The following KIF13A variants were observed in gnomAD, a reference collection of about 807,000 sequenced individuals.
KIF13A encodes kinesin family member 13A.
KIF13A carries 79 observed loss-of-function variants against 212.2 expected under a neutral mutation model. The ratio of observed to expected loss-of-function variants is 0.37; its 90% CI spans 0.31 to 0.45. The LOEUF (loss-of-function observed/expected upper bound fraction) is 0.45, where lower values mean the gene tolerates loss of function less well. Among genes scored for constraint, KIF13A ranks in the 20% least tolerant of loss-of-function variants. KIF13A has a pLI of 1.00. For synonymous variants in KIF13A, 789 were observed against 808.6 expected (o/e 0.98, Z 0.41); for missense variants, 1,901 against 2,209.0 (o/e 0.86, Z 2.79).
chr6:17,782,686 T>C (rs1198916876), intron 29 of KIF13A, among the ~76,000 whole-genome samples: 1 of 149,234 alleles, frequency 6.7e-6, no homozygotes, highest in Non-Finnish European at 1.5e-5. Context: ...TTTTGCTGCT[T>C]TCTGAGGTCA....
intron 16 of KIF13A, among the ~76,000 whole-genome samples, chr6:17,822,868 A>C (rs952210533): frequency 3.9e-5 from 6 of 152,236 alleles, no homozygotes; most frequent in Non-Finnish European, 8.8e-5. Context: ...TTGGTGGGGA[A>C]GTAACAGAGT....
chr6:17,936,977 A>T (rs866007665), intron 2 of KIF13A, among the ~76,000 whole-genome samples: 9 of 152,200 alleles, frequency 5.9e-5, no homozygotes, highest in South Asian at 4.1e-4. Context: ...CAGAAGGTCC[A>T]GACTAGCCTG....
chr6:17,880,467 A>G (rs887261683), intron 3 of KIF13A, among the ~76,000 whole-genome samples: 1 of 151,882 alleles, frequency 6.6e-6, no homozygotes, highest in African/African-American at 2.4e-5. Context: ...TCTCTACTAA[A>G]GATACAAAAA....
At chr6:17,985,841 A>T (rs1364276022) in intron 2 of KIF13A, among the ~76,000 whole-genome samples, 2 of 152,160 alleles carry the variant, frequency 1.3e-5, no homozygotes, top group African/African-American at 4.8e-5. Flanking sequence ...TAAACACAAC[A>T]TTTTACATAT....
chr6:17,975,997 G>C (rs1043476854), intron 2 of KIF13A, among the ~76,000 whole-genome samples: 1 of 152,188 alleles, frequency 6.6e-6, no homozygotes, highest in Admixed American at 6.5e-5. Flanking sequence ...CCCTGAGCTA[G>C]ACACAGGGTG....
intron 2 of KIF13A, among the ~76,000 whole-genome samples, chr6:17,977,656 AAAGG>A (rs1437181129): frequency 6.6e-6 from 1 of 152,262 alleles, no homozygotes; most frequent in African/African-American, 2.4e-5. Flanking sequence ...AGGACAAAAT[AAAGG>A]TAGAGGAAAA....
Position 17,825,685 on chromosome 6 carries a change from C to G in KIF13A, c.1786+83G>C. 7.8e-7 allele frequency: 1 copy of G among 1,289,518 alleles called. No individual in the cohort carries two copies. The highest frequency in any genetic ancestry group is 1.1e-6 in the Non-Finnish European group (1 of 921,130). The allele number at this position is 1,289,518 out of a possible 1,614,324, so 79.9% of individuals were successfully genotyped here. On this transcript the variant is annotated intron_variant, in intron 16 of 38. Transcript: ENST00000259711. This position sits in a 1 kb window ranked among gnomAD's most constrained non-coding sequence, Gnocchi z 4.5. ...GTTTAAAATGTGGAATGCGGAATGA[C>G]ACCTGATGCATGCTTATCCCTCACT...
In KIF13A at chr6:17,805,538, C is replaced by T; in HGVS notation, c.2241G>A (p.Lys747=). Residue 747 remains lysine (K), a synonymous_variant, in exon 19 of 39, where the codon AAG becomes AAA. Coordinates refer to ENST00000259711, the MANE Select transcript of KIF13A (RefSeq NM_022113.6). ...GKSTQVWTIE[K]LENKLIDMRD... is the part of the protein sequence containing the mutation. ...TCATGTCAATTAATTTATTCTCCAG[C>T]TTCTCAATGGTCCACACTTGGGTGC... 2 of 1,613,806 alleles carry T rather than the reference C, an allele frequency of 1.2e-6. No individual in the cohort carries two copies. The highest frequency in any genetic ancestry group is 1.7e-6 in the Non-Finnish European group (2 of 1,179,772).
chr6:17,972,909 C>A (rs1779941497), intron 2 of KIF13A, among the ~76,000 whole-genome samples: 1 of 151,948 alleles, frequency 6.6e-6, no homozygotes, highest in Admixed American at 6.6e-5. Flanking sequence ...TTCCCTCAAG[C>A]CTCTTCTAAC....
chr6:17,974,295 G>T (rs1780081144), intron 2 of KIF13A, among the ~76,000 whole-genome samples: 1 of 152,136 alleles, frequency 6.6e-6, no homozygotes. Context: ...GGCCAGGCTG[G>T]TCTGGAACTC....
At position 17,926,569 on chromosome 6, in the gene KIF13A, T is replaced by C. The variant is rs1274725784; in HGVS notation, c.147-28389A>G. Among the ~76,000 whole-genome samples the C allele has an allele frequency of 1.3e-5, 2 of 152,108 alleles. No homozygotes were observed. Among genetic ancestry groups the C allele is most frequent in the Non-Finnish European group, 2.9e-5 (2 of 68,016 alleles). On this transcript the variant is annotated intron_variant, in intron 2 of 38. Transcript: ENST00000259711. The surrounding 1 kb of genome is among the most constrained non-coding windows in gnomAD (Gnocchi z 4.3). ...CTTTAAAACACATGTAGGAGGTTTT[T>C]CTGATATTTAGAACAAAGTTTCACC...
At chr6:17,950,939 A>G (rs1777793001) in intron 2 of KIF13A, 1 of 973,344 alleles carries the variant, frequency 1.0e-6, no homozygotes, top group Non-Finnish European at 1.2e-6. Flanking sequence ...TTACTAAAGG[A>G]CTTTTAAAAC....
At chr6:17,957,759 CTG>C (rs1220776398) in intron 2 of KIF13A, among the ~76,000 whole-genome samples, 2 of 152,174 alleles carry the variant, frequency 1.3e-5, no homozygotes, top group East Asian at 3.9e-4. Context: ...CAGAAGTCTT[CTG>C]TGTTGCTTGT....
chr6:17,891,818 C>T (rs1772090903), intron 3 of KIF13A, among the ~76,000 whole-genome samples: 1 of 152,090 alleles, frequency 6.6e-6, no homozygotes, highest in African/African-American at 2.4e-5. Flanking sequence ...TTCTCAACTC[C>T]ACCACCACCA....
chr6:17,837,037 G>C lies in KIF13A; in HGVS notation c.996C>G (p.Ala332=). ...QTSMIATISP[A]ADNYEETLST... is the part of the protein sequence containing the mutation. Reference sequence around the variant, plus strand: ...AGAGGGTCTCTTCATAGTTGTCTGCGGCTGGGCTGATTGTGGCTATCATAG... The same window carrying C: ...AGAGGGTCTCTTCATAGTTGTCTGCCGCTGGGCTGATTGTGGCTATCATAG... The change falls in exon 11 of 39, where the codon GCC becomes GCG. Residue 332 remains alanine (A), a synonymous_variant. Coordinates refer to ENST00000259711, the MANE Select transcript of KIF13A (RefSeq NM_022113.6). The surrounding 1 kb of genome is among the most constrained non-coding windows in gnomAD (Gnocchi z 5.4). The C allele has an allele frequency of 6.2e-7, 1 of 1,613,946 alleles. No homozygotes were observed.
At chr6:17,939,068 T>C (rs1164517628) in intron 2 of KIF13A, among the ~76,000 whole-genome samples, 1 of 152,178 alleles carries the variant, frequency 6.6e-6, no homozygotes, top group Admixed American at 6.5e-5. Flanking sequence ...TTTTCTCCAA[T>C]TGAGTAAAAG....
Position 17,776,632 on chromosome 6 carries a change from T to C in KIF13A, c.4170+645A>G, listed in dbSNP as rs1760004773. On this transcript the variant is annotated intron_variant, in intron 34 of 38. Transcript: ENST00000259711. The surrounding 1 kb of genome is among the most constrained non-coding windows in gnomAD (Gnocchi z 4.6). ...GTTTTAAATAATTTTCTGGCAATTC[T>C]AGAGAACAGGAAGGCAAATAAGCCT... 6.6e-6 allele frequency among the ~76,000 whole-genome samples: 1 copy of C among 152,196 alleles called. No homozygotes were observed.
intron 19 of KIF13A, among the ~76,000 whole-genome samples, chr6:17,804,858 G>T (rs922786831): frequency 7.4e-6 from 1 of 135,728 alleles, no homozygotes; most frequent in African/African-American, 2.7e-5. Flanking sequence ...ATTAGCCCAT[G>T]GGAGGGGCCT....
chr6:17,859,461 C>A (rs1768488885), intron 4 of KIF13A, among the ~76,000 whole-genome samples: 3 of 149,484 alleles, frequency 2.0e-5, no homozygotes. Flanking sequence ...AAAAAAAAAC[C>A]AAAAAAACAA....
Sources: allele counts gnomAD v4.1 joint callset (sites outside exome capture counted in the v4.1 genomes callset), GRCh38; gene constraint gnomAD v4.1.1; non-coding constraint Gnocchi (gnomAD v3.1); transcripts MANE v1.5; gene names NCBI Gene and HGNC (gene_info 2026-07-23, HGNC 2026-07-21).